The following SHISA9 variants were observed in gnomAD, a reference collection of about 807,000 sequenced individuals.
The protein encoded by SHISA9 is shisa family member 9.
A neutral mutation model predicts 38.0 loss-of-function variants in SHISA9; 13 were observed. The observed-to-expected ratio is 0.34, with a 90% confidence interval of 0.22 to 0.54. The LOEUF is 0.54. Ranked by LOEUF, SHISA9 falls within the 20% of genes least tolerant of loss-of-function variation. The probability of loss-of-function intolerance (pLI) is 0.91; values close to 1 mark genes in which losing one functional copy is unlikely to be tolerated. For synonymous variants in SHISA9, 275 were observed against 242.0 expected, an observed-to-expected ratio of 1.14 and a Z score of -1.27; for missense variants, 538 against 575.8, an observed-to-expected ratio of 0.93 and a Z score of 0.67.
intron 2 of SHISA9, among the ~76,000 whole-genome samples, chr16:13,192,977 G>A (rs1223265640): frequency 1.3e-5 from 2 of 152,120 alleles, no homozygotes; most frequent in Admixed American, 6.6e-5. Flanking sequence ...GAAGAAGAAG[G>A]AGAAGAAGAA....
At chr16:12,974,532 C>G (rs1036247397) in intron 2 of SHISA9, among the ~76,000 whole-genome samples, 2 of 119,558 alleles carry the variant, frequency 1.7e-5, no homozygotes, top group Non-Finnish European at 3.2e-5. Context: ...GTCGCCCAGG[C>G]TGGAGTGAAG....
At chr16:13,398,868 A>G in the SHISA9 span, among the ~76,000 whole-genome samples, 2 of 152,190 alleles carry the variant, frequency 1.3e-5, no homozygotes, top group East Asian at 1.9e-4. Context: ...ACAATCATCA[A>G]TTATTTGTTA....
chr16:12,951,218 C>A (rs1254932071), intron 2 of SHISA9, among the ~76,000 whole-genome samples: 1 of 30,982 alleles, frequency 3.2e-5, no homozygotes, highest in East Asian at 1.1e-3. Flanking sequence ...AAGACTCCTT[C>A]TCCAAAAAAA....
chr16:13,008,955 C>A (rs1411241274), intron 2 of SHISA9, among the ~76,000 whole-genome samples: 1 of 151,984 alleles, frequency 6.6e-6, no homozygotes, highest in Non-Finnish European at 1.5e-5. Flanking sequence ...CATAAGATAG[C>A]TTACAAACAA....
chr16:13,089,692 T>A (rs1238370130), intron 2 of SHISA9, among the ~76,000 whole-genome samples: 1 of 152,200 alleles, frequency 6.6e-6, no homozygotes, highest in Non-Finnish European at 1.5e-5. Context: ...TTTTCTCTCT[T>A]TTCTTCTTTA....
chr16:13,252,553 G>A, the SHISA9 span, among the ~76,000 whole-genome samples: 3 of 152,100 alleles, frequency 2.0e-5, no homozygotes, highest in South Asian at 2.1e-4. Context: ...ACATCTGTTG[G>A]GTCTTTGATT....
intron 2 of SHISA9, among the ~76,000 whole-genome samples, chr16:13,156,771 C>T (rs568841533): frequency 6.6e-6 from 1 of 151,596 alleles, no homozygotes; most frequent in East Asian, 1.9e-4. Context: ...CCTTGCACAA[C>T]TGTGCAGACC....
At chr16:12,916,987 G>C (rs191962950) in intron 2 of SHISA9, among the ~76,000 whole-genome samples, 172 bp downstream of exon 2, 1 of 152,144 alleles carries the variant, frequency 6.6e-6, no homozygotes, top group Non-Finnish European at 1.5e-5. Flanking sequence ...TCCGATGTCC[G>C]TTGGTTGCTT....
At chr16:13,296,106 G>A in the SHISA9 span, among the ~76,000 whole-genome samples, 2 of 152,028 alleles carry the variant, frequency 1.3e-5, no homozygotes, top group South Asian at 2.1e-4. Flanking sequence ...TTGTTGTTGT[G>A]GTTTCAGCAG....
At chr16:13,288,859 C>G in the SHISA9 span, among the ~76,000 whole-genome samples, 1 of 152,270 alleles carries the variant, frequency 6.6e-6, no homozygotes, top group South Asian at 2.1e-4. Flanking sequence ...TCCTGTTGGA[C>G]TAGGGAACTC....
the SHISA9 span, among the ~76,000 whole-genome samples, chr16:13,471,933 C>G: frequency 3.0e-4 from 45 of 152,278 alleles, no homozygotes; most frequent in African/African-American, 9.4e-4. Flanking sequence ...GTGTAACTCA[C>G]AGAGAATCAC....
At chr16:13,089,020 A>G (rs1414994895) in intron 2 of SHISA9, among the ~76,000 whole-genome samples, 2 of 152,178 alleles carry the variant, frequency 1.3e-5, no homozygotes, top group Non-Finnish European at 2.9e-5. Flanking sequence ...TTTAGCATGA[A>G]GGACTTGAAT....
the SHISA9 span, among the ~76,000 whole-genome samples, chr16:13,450,114 G>GT: frequency 6.6e-6 from 1 of 151,964 alleles, no homozygotes; most frequent in African/African-American, 2.4e-5. Flanking sequence ...GAGACTCTGT[G>GT]TAAAAAAAAA....
At chr16:13,549,939 C>G in the SHISA9 span, among the ~76,000 whole-genome samples, 1 of 151,508 alleles carries the variant, frequency 6.6e-6, no homozygotes. Flanking sequence ...AGGAGAATCG[C>G]TTGAACCCAG....
the SHISA9 span, among the ~76,000 whole-genome samples, chr16:13,442,213 G>A: frequency 2.6e-5 from 4 of 152,196 alleles, no homozygotes; most frequent in African/African-American, 4.8e-5. Flanking sequence ...TTGGTAAAAG[G>A]ATGAGAAACA....
At chr16:13,016,413 C>G (rs536604959) in intron 2 of SHISA9, among the ~76,000 whole-genome samples, 1 of 152,268 alleles carries the variant, frequency 6.6e-6, no homozygotes, top group East Asian at 1.9e-4. Flanking sequence ...CTTCTTTGAA[C>G]AGGGGAATAG....
chr16:12,955,863 G>C (rs2071826094), intron 2 of SHISA9, among the ~76,000 whole-genome samples: 1 of 152,076 alleles, frequency 6.6e-6, no homozygotes, highest in Admixed American at 6.6e-5. Context: ...AATTTATGAT[G>C]AAGACCCAAA....
chr16:13,404,768 A>T, the SHISA9 span, among the ~76,000 whole-genome samples: 1 of 152,220 alleles, frequency 6.6e-6, no homozygotes, highest in Admixed American at 6.5e-5. Context: ...TAAGCCAATG[A>T]TGTTAAAGCC....
intron 2 of SHISA9, among the ~76,000 whole-genome samples, chr16:13,107,818 G>A (rs984772969): frequency 2.6e-5 from 4 of 152,148 alleles, no homozygotes; most frequent in African/African-American, 9.7e-5. Context: ...GGCAGTGGCA[G>A]TGGGTATAAG....
Sources: gnomAD v4.1 joint callset for allele counts (sites outside exome capture counted in the v4.1 genomes callset) on GRCh38, gnomAD v4.1.1 for gene constraint, MANE v1.5 for transcripts, NCBI Gene and HGNC (gene_info 2026-07-23, HGNC 2026-07-21) for gene names.